WAS: variants seen among roughly 807,000 people sequenced by gnomAD.
WAS encodes the protein actin nucleation-promoting factor WAS.
A neutral mutation model predicts 38.9 loss-of-function variants in WAS; 1 was observed. The ratio of observed to expected loss-of-function variants is 0.03; its 90% CI spans 0.01 to 0.12. The LOEUF (loss-of-function observed/expected upper bound fraction) is 0.12, where lower values mean the gene tolerates loss of function less well. Ranked by LOEUF, WAS falls within the 10% of genes least tolerant of loss-of-function variation. WAS has a pLI of 1.00. For missense variants in WAS, 311 were observed against 431.2 expected, an observed-to-expected ratio of 0.72 and a Z score of 2.47; for synonymous variants, 182 against 173.6, an observed-to-expected ratio of 1.05 and a Z score of -0.38.
chrX:48,676,797 C>T (rs2062392051), intron 1 of WAS: 1 of 112,695 alleles, frequency 8.9e-6, no homozygotes, highest in Non-Finnish European at 1.9e-5. Context: ...CCCGGGTGGA[C>T]GCTTCCGTGC....
chrX:48,685,330 C>T (rs2062415375), intron 2 of WAS, among the ~76,000 whole-genome samples: 2 of 111,103 alleles, frequency 1.8e-5, no homozygotes, highest in Non-Finnish European at 3.8e-5. Flanking sequence ...GGGCCCCAAA[C>T]CCCAAATCCA....
At chrX:48,689,543 A>C in intron 11 of WAS, 109 bp downstream of exon 11, 1 of 648,234 alleles carries the variant, frequency 1.5e-6, no homozygotes, top group Non-Finnish European at 2.5e-6. Flanking sequence ...TCTGTTTGAC[A>C]GCATTAACAT....
chrX:48,685,673 G>A (rs929768848), intron 3 of WAS, 40 bp downstream of exon 3: 2 of 1,173,706 alleles, frequency 1.7e-6, no homozygotes, highest in Non-Finnish European at 2.3e-6. Context: ...CTTGGGGTGT[G>A]GAGAGGAGAT....
At chrX:48,683,019 CGATAGGCGTG>C (rs1169095796), upstream of WAS, among the ~76,000 whole-genome samples, 1 of 111,486 alleles carries the variant, frequency 9.0e-6, no homozygotes, top group Non-Finnish European at 1.9e-5. Context: ...TAAGCACTCA[CGATAGGCGTG>C]GATCACAGGG....
chrX:48,684,532 T>C, intron 2 of WAS, 109 bp downstream of exon 2: 1 of 1,016,399 alleles, frequency 9.8e-7, no homozygotes, highest in Non-Finnish European at 1.3e-6. Context: ...GATCAGTGAA[T>C]CCCTGAGCCC....
Position 48,685,780 on chromosome X carries a change from C to T in WAS, c.407C>T (p.Ala136Val). Residue 136 changes from alanine (A) to valine (V), a missense_variant, in exon 4 of 12, where the codon GCC becomes GTC. Ala to Val is a moderately conservative substitution (Grantham distance 64). This residue lies in a region of WAS where 64 missense variants were observed against 122.5 expected (regional missense o/e 0.52). Coordinates refer to ENST00000376701, the MANE Select transcript of WAS (RefSeq NM_000377.3). The part of the protein sequence containing the change: ...LNFADEDEAQ[A>V]FRALVQEKIQ... ...TTTGCAGACGAGGACGAGGCCCAGG[C>T]CTTCCGGGCCCTCGTGCAGGAGAAG... 8.4e-7 allele frequency: 1 copy of T among 1,183,650 alleles called. No homozygotes were observed. The highest frequency in any genetic ancestry group is 1.1e-6 in the Non-Finnish European group (1 of 880,839).
At chrX:48,690,193 T>C (rs1557007570) in intron 11 of WAS, among the ~76,000 whole-genome samples, 1 of 110,921 alleles carries the variant, frequency 9.0e-6, no homozygotes, top group African/African-American at 3.3e-5. Flanking sequence ...GGTGCAATCA[T>C]GGCTCAGTGC....
chrX:48,677,749 A>G (rs1419167291), intron 1 of WAS, among the ~76,000 whole-genome samples: 1 of 111,716 alleles, frequency 9.0e-6, no homozygotes, highest in Non-Finnish European at 1.9e-5. Flanking sequence ...GCGTCAGTGA[A>G]CTGTGTAGAA....
chrX:48,678,578 G>T (rs2062395254), intron 1 of WAS, among the ~76,000 whole-genome samples: 1 of 111,794 alleles, frequency 8.9e-6, no homozygotes, highest in African/African-American at 3.3e-5. Flanking sequence ...GGGGGTTCCT[G>T]GTGTTTGCTG....
At position 48,677,992 on chromosome X, in the gene WAS, G is replaced by A. The variant is rs782809403; in HGVS notation, c.-131+1244G>A. Among the ~76,000 whole-genome samples the A allele has an allele frequency of 1.8e-4, 20 of 111,949 alleles. No individual in the cohort carries two copies. The South Asian group carries it at 7.4e-3, about 41-fold the overall frequency. ...AAGGGTCCTGTTCCTGCCTGCCCTCGGGGTGTGTTTTGGGAATTCCTCCTT... is the reference window on the plus strand; with the variant it reads ...AAGGGTCCTGTTCCTGCCTGCCCTCAGGGTGTGTTTTGGGAATTCCTCCTT... On this transcript the variant is annotated intron_variant, in intron 1 of 8. Transcript: ENST00000450772.
In WAS at chrX:48,689,011, G is replaced by C; in HGVS notation, c.1283G>C (p.Gly428Ala). The C allele has an allele frequency of 8.3e-7, 1 of 1,203,980 alleles. No individual in the cohort carries two copies. Among genetic ancestry groups the C allele is most frequent in the East Asian group, 3.0e-5 (1 of 33,659 alleles). The change falls in exon 10 of 12, where the codon GGT becomes GCT. Residue 428 changes from glycine to alanine, a missense_variant. Gly to Ala is a moderately conservative substitution (Grantham distance 60). Coordinates refer to ENST00000376701, the MANE Select transcript of WAS (RefSeq NM_000377.3). ...ALVPAGGLAP[G>A]GGRGALLDQI... ...GTGCCTGCCGGGGGCCTGGCCCCTG[G>C]TGGGGGTCGGGGAGCGCTTTTGGAT...
At chrX:48,683,126 C>T (rs2062406965), upstream of WAS, 1 of 110,814 alleles carries the variant, frequency 9.0e-6, no homozygotes, top group Non-Finnish European at 1.9e-5. Context: ...CTGTCATCAT[C>T]CAGGCTGGAG....
chrX:48,684,312 C>T lies in WAS; in HGVS notation c.162C>T (p.Tyr54=). 2 of 1,211,626 alleles carry T rather than the reference C, an allele frequency of 1.7e-6. No homozygotes were observed. The highest frequency in any genetic ancestry group is 2.2e-6 in the Non-Finnish European group (2 of 895,484). ...LTLATAVVQL[Y]LALPPGAEHW... The stretch of plus-strand genomic sequence containing the variant: ...TGGCCACTGCAGTTGTTCAGCTGTA[C>T]CTGGCGCTGCCCCCTGGAGCTGAGC... The change falls in exon 2 of 12, where the codon TAC becomes TAT. Residue 54 remains tyrosine (Y), a synonymous_variant. Transcript: ENST00000376701.
chrX:48,680,439 A>G (rs1557005656), upstream of WAS, among the ~76,000 whole-genome samples: 1 of 111,075 alleles, frequency 9.0e-6, no homozygotes, highest in African/African-American at 3.3e-5. Context: ...TCTAAGTCAC[A>G]GGATGAGATA....
chrX:48,688,140 C>A, intron 8 of WAS, 44 bp downstream of exon 8: 1 of 1,179,160 alleles, frequency 8.5e-7, no homozygotes, highest in East Asian at 3.1e-5. Flanking sequence ...AACTTCCACC[C>A]ACCCTTCCAA....
At position 48,685,951 on chromosome X, in the gene WAS, C is replaced by A. The variant is rs1557006611; in HGVS notation, c.469C>A (p.Arg157Ser). Residue 157 changes from arginine to serine, a missense_variant, in exon 5 of 12, where the codon CGC (arginine) becomes AGC (serine). Physicochemically the swap from Arg to Ser is moderately radical, Grantham distance 110. Around this residue, in one of 4 missense-constraint regions of WAS, gnomAD observed 31 missense variants for 20.1 expected, o/e 1.55. Coordinates refer to ENST00000376701, the MANE Select transcript of WAS (RefSeq NM_000377.3). ...KRNQRQSGDRRQLPPPPTPAN... is the reference protein window; with the variant it reads ...KRNQRQSGDRSQLPPPPTPAN... ...CCCAATCCATCTATCCACAGACAGACGCCAGCTACCCCCACCACCAACACC... is the reference window on the plus strand; with the variant it reads ...CCCAATCCATCTATCCACAGACAGAAGCCAGCTACCCCCACCACCAACACC... The A allele has an allele frequency of 1.7e-6, 2 of 1,211,648 alleles. No homozygotes were observed. The highest frequency in any genetic ancestry group is 2.2e-6 in the Non-Finnish European group (2 of 895,452).
upstream of WAS, among the ~76,000 whole-genome samples, chrX:48,681,301 G>C (rs949334116): frequency 1.8e-5 from 2 of 111,792 alleles, no homozygotes; most frequent in Non-Finnish European, 3.8e-5. Flanking sequence ...CTCCTGAGTA[G>C]CTGGGATTAC....
At chrX:48,686,516 A>C (rs782775268) in intron 6 of WAS, among the ~76,000 whole-genome samples, 1 of 112,757 alleles carries the variant, frequency 8.9e-6, no homozygotes, top group South Asian at 3.6e-4. Context: ...TAAATGAGTA[A>C]ATGAATATTT....
At chrX:48,684,775 C>A (rs782148427) in intron 2 of WAS, among the ~76,000 whole-genome samples, 2 of 111,642 alleles carry the variant, frequency 1.8e-5, no homozygotes, top group African/African-American at 6.5e-5. Context: ...ACTCCTGAAC[C>A]CCAGATGTTT....
Sources: gnomAD v4.1 joint callset for allele counts (sites outside exome capture counted in the v4.1 genomes callset) on GRCh38, gnomAD v4.1.1 for gene constraint, gnomAD v4.1.1 regional missense constraint, MANE v1.5 for transcripts, NCBI Gene and HGNC (gene_info 2026-07-23, HGNC 2026-07-21) for gene names.